Variants in IGSF10 observed in about 807,000 individuals in gnomAD.
The protein encoded by IGSF10 is calvaria mechanical force protein 608.
IGSF10 carries 126 observed loss-of-function variants against 128.2 expected under a neutral mutation model. That is an observed-to-expected ratio of 0.98 (90% confidence interval 0.85 to 1.14). The LOEUF (loss-of-function observed/expected upper bound fraction) is 1.14, where lower values mean the gene tolerates loss of function less well. Ranked by LOEUF, IGSF10 falls within the 50% of genes most tolerant of loss-of-function variation. The pLI is 0.00. For synonymous variants in IGSF10, 1,185 were observed against 1,146.2 expected, an observed-to-expected ratio of 1.03 and a Z score of -0.68; for missense variants, 3,295 against 3,149.8, an observed-to-expected ratio of 1.05 and a Z score of -1.10.
At position 151,437,356 on chromosome 3, in the gene IGSF10, G is replaced by GTTGTT; in HGVS notation, c.7200_7204dup (p.Thr2402LysfsTer24). On this transcript the variant is annotated frameshift_variant, in exon 8 of 8. Coordinates refer to ENST00000282466, the MANE Select transcript of IGSF10 (RefSeq NM_178822.5). LOFTEE classifies it low-confidence loss of function (END_TRUNC). ...GCGATATTTTCCTGCATCCTCCCGA[G>GTTGTT]TTGTTTTAGAAATGATAAAAGAACC... 6.2e-7 allele frequency: 1 copy of GTTGTT among 1,614,164 alleles called. No individual in the cohort carries two copies.
At chr3:151,482,188 A>T in the IGSF10 span, among the ~76,000 whole-genome samples, 1 of 152,242 alleles carries the variant, frequency 6.6e-6, no homozygotes, top group East Asian at 1.9e-4. Flanking sequence ...TCAGTAACTA[A>T]CCCTAAAGAA....
the IGSF10 span, among the ~76,000 whole-genome samples, chr3:151,602,724 C>A: frequency 6.6e-6 from 1 of 152,032 alleles, no homozygotes; most frequent in Admixed American, 6.6e-5. Flanking sequence ...TCTCCATGCA[C>A]CTTCATACTT....
the IGSF10 span, chr3:151,475,715 G>A: frequency 1.3e-5 from 2 of 152,164 alleles, no homozygotes; most frequent in African/African-American, 4.8e-5. Context: ...CTGTGATTTT[G>A]GGGGCTGCTT....
At chr3:151,604,892 A>C in the IGSF10 span, among the ~76,000 whole-genome samples, 1 of 152,178 alleles carries the variant, frequency 6.6e-6, no homozygotes, top group Non-Finnish European at 1.5e-5. Flanking sequence ...TTTGTCATAC[A>C]ATCAATACAT....
chr3:151,603,386 C>T, the IGSF10 span, among the ~76,000 whole-genome samples: 2 of 152,164 alleles, frequency 1.3e-5, no homozygotes, highest in African/African-American at 2.4e-5. Context: ...GATCTTAGAA[C>T]AAGTCTGACA....
chr3:151,599,358 T>C, the IGSF10 span, among the ~76,000 whole-genome samples: 1 of 152,174 alleles, frequency 6.6e-6, no homozygotes, highest in African/African-American at 2.4e-5. Context: ...GCCTAGCTTT[T>C]ATTCTCTAGT....
the IGSF10 span, among the ~76,000 whole-genome samples, chr3:151,473,726 C>T: frequency 6.6e-6 from 1 of 152,078 alleles, no homozygotes; most frequent in Admixed American, 6.6e-5. Context: ...AACTAGGGGG[C>T]CCTTTTTTCC....
At chr3:151,604,121 C>T in the IGSF10 span, among the ~76,000 whole-genome samples, 1 of 151,962 alleles carries the variant, frequency 6.6e-6, no homozygotes, top group Non-Finnish European at 1.5e-5. Flanking sequence ...ATCCAAAATA[C>T]TATATAGAAT....
chr3:151,443,790 T>C lies in IGSF10; in HGVS notation c.5157A>G (p.Gly1719=). The change falls in exon 7 of 8, where the codon GGA becomes GGG. Residue 1719 remains glycine, a synonymous_variant. Coordinates refer to ENST00000282466, the MANE Select transcript of IGSF10 (RefSeq NM_178822.5). ...GATTGGATGCGGAACACAAGTACTG[T>C]CCGCGGTCCTGAATTTCCACCCTCT... is the stretch of plus-strand genomic sequence containing the variant. ...SIQRVEIQDR[G]QYLCSASNLF... 1 of 1,614,136 alleles carries C rather than the reference T, an allele frequency of 6.2e-7. No homozygotes were observed. Among genetic ancestry groups the C allele is most frequent in the Non-Finnish European group, 8.5e-7 (1 of 1,180,020 alleles).
At chr3:151,568,185 T>C in the IGSF10 span, among the ~76,000 whole-genome samples, 2 of 152,094 alleles carry the variant, frequency 1.3e-5, no homozygotes, top group African/African-American at 4.8e-5. Context: ...AAGTACTTTT[T>C]CCTCTTTAAT....
At chr3:151,434,363 T>C (rs1269362119), downstream of IGSF10, 1 of 152,232 alleles carries the variant, frequency 6.6e-6, no homozygotes, top group Non-Finnish European at 1.5e-5. Flanking sequence ...ACATGTCAGC[T>C]TACTTTGCTG....
At chr3:151,614,392 T>C in the IGSF10 span, among the ~76,000 whole-genome samples, 2 of 152,168 alleles carry the variant, frequency 1.3e-5, no homozygotes, top group Non-Finnish European at 2.9e-5. Context: ...AGCGGCACTA[T>C]TCACACTAGC....
upstream of IGSF10, among the ~76,000 whole-genome samples, chr3:151,464,042 C>T (rs771442983): frequency 2.0e-5 from 3 of 152,058 alleles, no homozygotes; most frequent in Non-Finnish European, 2.9e-5. Context: ...ATGATAATGA[C>T]TTTATTTTGT....
chr3:151,435,513 CAT>C (rs1720047541), downstream of IGSF10: 1 of 152,082 alleles, frequency 6.6e-6, no homozygotes, highest in Non-Finnish European at 1.5e-5. Flanking sequence ...CGCTATTCCA[CAT>C]GTCTCAAATG....
the IGSF10 span, among the ~76,000 whole-genome samples, chr3:151,537,024 T>C: frequency 5.9e-5 from 9 of 152,318 alleles, no homozygotes; most frequent in Middle Eastern, 3.4e-3. Flanking sequence ...GTTTGTTCTT[T>C]ATTCGAGCAT....
intron 5 of IGSF10, among the ~76,000 whole-genome samples, chr3:151,450,820 G>A (rs1721474486): frequency 6.7e-6 from 1 of 149,752 alleles, no homozygotes; most frequent in Non-Finnish European, 1.5e-5. Context: ...CACTTAACCC[G>A]GGAGGCAGAG....
the IGSF10 span, among the ~76,000 whole-genome samples, chr3:151,619,043 TA>T: frequency 6.6e-6 from 1 of 151,194 alleles, no homozygotes; most frequent in Non-Finnish European, 1.5e-5. Context: ...AATTAATAAA[TA>T]GAATAGTTAC....
At position 151,445,550 on chromosome 3, in the gene IGSF10, G is replaced by T; in HGVS notation, c.4431C>A (p.Ile1477=). ...SSSATLMPVP[I]SPPFTQRAVT... is the part of the protein sequence containing the mutation. ...CTGCTCTCTGAGTAAAGGGAGGGGA[G>T]ATGGGAACTGGCATTAGAGTAGCAC... The change falls in exon 6 of 8, where the codon ATC becomes ATA. Residue 1477 remains isoleucine (I), a synonymous_variant. Transcript: ENST00000282466. 6.2e-7 allele frequency: 1 copy of T among 1,614,220 alleles called. No homozygotes were observed. The highest frequency in any genetic ancestry group is 8.5e-7 in the Non-Finnish European group (1 of 1,180,016).
At chr3:151,435,260 A>G (rs75480122), downstream of IGSF10, 1 of 124,690 alleles carries the variant, frequency 8.0e-6, no homozygotes, top group Non-Finnish European at 1.7e-5. Flanking sequence ...CTATCAATCA[A>G]TCACAGTTCT....
Sources: gnomAD v4.1 joint callset for allele counts (sites outside exome capture counted in the v4.1 genomes callset) on GRCh38, gnomAD v4.1.1 for gene constraint, MANE v1.5 for transcripts, NCBI Gene and HGNC (gene_info 2026-07-23, HGNC 2026-07-21) for gene names.